The following ADGRL2 variants were observed in gnomAD, a reference collection of about 807,000 sequenced individuals.
The protein encoded by ADGRL2 is calcium-independent alpha-latrotoxin receptor 2.
A neutral mutation model predicts 157.4 loss-of-function variants in ADGRL2; 44 were observed. The observed-to-expected ratio is 0.28, with a 90% CI of 0.22 to 0.36. ADGRL2 has a LOEUF of 0.36. Among genes scored for constraint, ADGRL2 ranks in the 10% least tolerant of loss-of-function variants. The pLI is 1.00. For missense variants in ADGRL2, 1,510 were observed against 1,768.9 expected, an observed-to-expected ratio of 0.85 and a Z score of 2.63; for synonymous variants, 585 against 624.7, an observed-to-expected ratio of 0.94 and a Z score of 0.95.
At chr1:81,355,344 G>T (rs1443145971) in intron 1 of ADGRL2, among the ~76,000 whole-genome samples, 1 of 152,170 alleles carries the variant, frequency 6.6e-6, no homozygotes, top group Non-Finnish European at 1.5e-5. Flanking sequence ...GGGTGACAGA[G>T]TGAGACTCAG....
At chr1:81,543,055 T>C (rs921225156) in intron 2 of ADGRL2, among the ~76,000 whole-genome samples, 10 of 152,094 alleles carry the variant, frequency 6.6e-5, no homozygotes, top group Admixed American at 3.9e-4. Context: ...CTTAATAATA[T>C]GCTAACATTT....
intron 3 of ADGRL2, among the ~76,000 whole-genome samples, chr1:81,691,567 C>T (rs9661442): frequency 0.097 from 14,652 of 151,792 alleles, 766 homozygotes; most frequent in South Asian, 0.13. Context: ...GGCACGATCT[C>T]GGCTCACTGC....
chr1:81,927,816 T>C (rs908111023), intron 3 of ADGRL2, among the ~76,000 whole-genome samples: 1 of 152,024 alleles, frequency 6.6e-6, no homozygotes, highest in Non-Finnish European at 1.5e-5. Flanking sequence ...ACCTAGCAAT[T>C]AGTTAAGCTC....
rs929123660 is a variant in ADGRL2, at chr1:81,992,197, A to C, written c.*1052A>C. 2 of 152,234 alleles carry C rather than the reference A, an allele frequency of 1.3e-5. No individual in the cohort carries two copies. The highest frequency in any genetic ancestry group is 4.9e-5 in the African/African-American group (2 of 41,166). 9.4% of individuals were successfully genotyped at this position (152,234 alleles called of 1,614,324 possible). On this transcript the variant is annotated 3_prime_UTR_variant, in exon 24 of 24. Coordinates refer to ENST00000686636, the MANE Select transcript of ADGRL2 (RefSeq NM_001366006.2). Reference sequence around the variant, plus strand: ...GAACAAAAGGTGCCTATTCTTTTTTAAAAAAATAAAATAAAACATAAATAT... The same window carrying C: ...GAACAAAAGGTGCCTATTCTTTTTTCAAAAAATAAAATAAAACATAAATAT...
intron 2 of ADGRL2, among the ~76,000 whole-genome samples, chr1:81,837,499 A>G (rs12750332): frequency 6.6e-6 from 1 of 151,816 alleles, no homozygotes; most frequent in Non-Finnish European, 1.5e-5. Flanking sequence ...ATAATAGTTC[A>G]TCTTTTTATG....
At chr1:81,941,899 A>G in intron 4 of ADGRL2, 135 bp from the exon 5 acceptor site, 1 of 492,186 alleles carries the variant, frequency 2.0e-6, no homozygotes, top group Non-Finnish European at 3.6e-6. Flanking sequence ...TATCCAAAGT[A>G]GTACAGCTCT....
chr1:81,640,313 G>A (rs2082193035), intron 3 of ADGRL2, among the ~76,000 whole-genome samples: 1 of 151,998 alleles, frequency 6.6e-6, no homozygotes, highest in African/African-American at 2.4e-5. Context: ...ACCTAGATGA[G>A]CATGACCAAA....
chr1:81,587,166 T>C (rs569372867), intron 3 of ADGRL2, among the ~76,000 whole-genome samples: 3 of 152,166 alleles, frequency 2.0e-5, no homozygotes, highest in East Asian at 1.9e-4. Flanking sequence ...ATATGAGAGA[T>C]AGTAGAGGTA....
chr1:81,538,404 A>G (rs1570430977), intron 2 of ADGRL2, among the ~76,000 whole-genome samples: 1 of 152,172 alleles, frequency 6.6e-6, no homozygotes, highest in Admixed American at 6.5e-5. Flanking sequence ...CTCTGGCTCC[A>G]GTCATCATCT....
intron 11 of ADGRL2, among the ~76,000 whole-genome samples, chr1:81,963,822 T>C (rs938455681): frequency 2.6e-5 from 4 of 151,304 alleles, no homozygotes; most frequent in African/African-American, 4.8e-5. Context: ...CTATATTTTT[T>C]TGTGAAATGA....
chr1:81,791,265 CAG>C (rs1300991460), intron 2 of ADGRL2, among the ~76,000 whole-genome samples: 4 of 151,728 alleles, frequency 2.6e-5, no homozygotes, highest in Non-Finnish European at 5.9e-5. Context: ...TTTGGTAGAC[CAG>C]AGACTTTACA....
chr1:81,466,679 G>GCACA lies in ADGRL2; in HGVS notation c.-248+21601_-248+21604dup, dbSNP rs5775620. Among the ~76,000 whole-genome samples the GCACA allele has an allele frequency of 5.7e-3, 859 of 151,280 alleles. 7 individuals are homozygous for GCACA. The highest frequency in any genetic ancestry group is 0.018 in the African/African-American group (757 of 41,290). ...TAACATCTCTCTCTCTCACGCGCGC[G>GCACA]CACACACACACACATACACACTATG... On this transcript the variant is annotated intron_variant, in intron 2 of 24. Coordinates refer to the ADGRL2 transcript ENST00000370721.
chr1:81,572,818 G>A lies in ADGRL2; in HGVS notation c.-247-8058G>A, dbSNP rs6605239. On this transcript the variant is annotated intron_variant, in intron 2 of 24. Coordinates refer to the ADGRL2 transcript ENST00000370721. ...TTCAGCACTTATAATATGGTAATAA[G>A]CATTGTGACTCACTCAGAGGGCAAA... Among the ~76,000 whole-genome samples, 78 of 151,636 alleles carry A rather than the reference G, an allele frequency of 5.1e-4. No homozygotes were observed. The Middle Eastern group carries it at 0.014, about 26-fold the overall frequency.
At chr1:81,700,506 A>T (rs1164287132) in intron 1 of ADGRL2, among the ~76,000 whole-genome samples, 1 of 152,220 alleles carries the variant, frequency 6.6e-6, no homozygotes, top group Admixed American at 6.5e-5. Flanking sequence ...CAAAATTAAG[A>T]CCAAAACCGT....
intron 2 of ADGRL2, among the ~76,000 whole-genome samples, chr1:81,521,966 T>TG (rs1327920633): frequency 1.5e-5 from 2 of 137,492 alleles, no homozygotes; most frequent in African/African-American, 3.3e-5. Flanking sequence ...ATGTACTTTT[T>TG]GTTTTTTTTT....
At chr1:81,863,500 C>T (rs925032753) in intron 2 of ADGRL2, among the ~76,000 whole-genome samples, 4 of 152,144 alleles carry the variant, frequency 2.6e-5, no homozygotes, top group African/African-American at 9.7e-5. Flanking sequence ...ACACCCCTAA[C>T]TTGAGGACTC....
Position 81,992,910 on chromosome 1 carries a change from T to G in ADGRL2, c.*1765T>G, listed in dbSNP as rs940097732. ...TGTTTTCTGTTTGTATCATAAGCAT[T>G]TATAGAAAATTATTCTAAAGCTTAA... On this transcript the variant is annotated 3_prime_UTR_variant, in exon 24 of 24. Transcript: ENST00000686636. 8.6e-5 allele frequency among the ~76,000 whole-genome samples: 13 copies of G among 151,082 alleles called. No individual in the cohort carries two copies. The highest frequency in any genetic ancestry group is 1.6e-4 in the Non-Finnish European group (11 of 67,814).
chr1:81,971,925 A>G lies in ADGRL2; in HGVS notation c.3021+7A>G. The G allele has an allele frequency of 6.2e-7, 1 of 1,603,720 alleles. No homozygotes were observed. Among genetic ancestry groups the G allele is most frequent in the Non-Finnish European group, 8.5e-7 (1 of 1,172,872 alleles). ...TGTTACCTTCATTATTCTGGTAAGCAGGTTCTGTTTTCCCTTGCTTTTTAG... is the reference window on the plus strand; with the variant it reads ...TGTTACCTTCATTATTCTGGTAAGCGGGTTCTGTTTTCCCTTGCTTTTTAG... On this transcript the variant is annotated splice_region_variant and intron_variant, in intron 17 of 23. Transcript: ENST00000686636.
chr1:81,666,298 A>T (rs1195006627), intron 3 of ADGRL2, among the ~76,000 whole-genome samples: 1 of 152,196 alleles, frequency 6.6e-6, no homozygotes, highest in East Asian at 1.9e-4. Context: ...GTCAACTCCA[A>T]TGAAGTGGTT....
Sources: allele counts gnomAD v4.1 joint callset (sites outside exome capture counted in the v4.1 genomes callset), GRCh38; gene constraint gnomAD v4.1.1; transcripts MANE v1.5; gene names NCBI Gene and HGNC (gene_info 2026-07-23, HGNC 2026-07-21).